TSPAN11: variants seen among roughly 807,000 people sequenced by gnomAD.
TSPAN11 encodes tetraspanin 11.
TSPAN11 carries 29 observed loss-of-function variants against 32.9 expected under a neutral mutation model. That is an observed-to-expected ratio of 0.88 (90% confidence interval 0.66 to 1.20). The LOEUF (loss-of-function observed/expected upper bound fraction) is 1.20, where lower values mean the gene tolerates loss of function less well. Ranked by LOEUF, TSPAN11 falls within the 50% of genes most tolerant of loss-of-function variation. The pLI is 0.00. For missense variants in TSPAN11, 283 were observed against 329.1 expected (o/e 0.86, Z 1.08); for synonymous variants, 140 against 141.3 (o/e 0.99, Z 0.07).
intron 3 of TSPAN11, among the ~76,000 whole-genome samples, chr12:30,967,931 C>T (rs1225029454): frequency 2.6e-5 from 4 of 152,000 alleles, no homozygotes; most frequent in Admixed American, 6.6e-5. Flanking sequence ...CGTGAAGCAT[C>T]GAGCACTTGA....
At chr12:31,010,033 C>G in the TSPAN11 span, among the ~76,000 whole-genome samples, 1 of 152,208 alleles carries the variant, frequency 6.6e-6, no homozygotes, top group African/African-American at 2.4e-5. Flanking sequence ...GCCCGCAGAG[C>G]TAGGAGCTGG....
the TSPAN11 span, among the ~76,000 whole-genome samples, chr12:31,005,272 C>T: frequency 2.0e-5 from 3 of 152,208 alleles, no homozygotes; most frequent in Non-Finnish European, 4.4e-5. Flanking sequence ...TAAGAAGTTA[C>T]ACTGTAAGGT....
chr12:30,939,320 G>A (rs1938112327), intron 1 of TSPAN11, among the ~76,000 whole-genome samples: 1 of 152,078 alleles, frequency 6.6e-6, no homozygotes, highest in African/African-American at 2.4e-5. Flanking sequence ...GCCAGTTGAG[G>A]GCCCGACCAC....
intron 1 of TSPAN11, among the ~76,000 whole-genome samples, chr12:30,945,025 G>A (rs892158644): frequency 1.3e-5 from 2 of 152,182 alleles, no homozygotes; most frequent in African/African-American, 2.4e-5. Flanking sequence ...TGACTTCCCA[G>A]TGCTTCCTGT....
the TSPAN11 span, among the ~76,000 whole-genome samples, chr12:31,011,287 A>G: frequency 3.6e-3 from 553 of 152,308 alleles, 5 homozygotes; most frequent in African/African-American, 0.013. Context: ...CCAGCTACTC[A>G]GGAGGCTGTC....
rs746213933 is a variant in TSPAN11 at position 30,991,883 on chromosome 12, T to C, written c.730T>C (p.Leu244=). ...QICGMVLTCC[L]HQRLQRHFY is the part of the protein sequence containing the mutation. Reference sequence around the variant, plus strand: ...CTGCGGGATGGTTCTCACCTGCTGCTTGCACCAGAGGCTCCAGCGGCATTT... The same window carrying C: ...CTGCGGGATGGTTCTCACCTGCTGCCTGCACCAGAGGCTCCAGCGGCATTT... Residue 244 remains leucine (L), a synonymous_variant, in exon 8 of 8, where the codon TTG becomes CTG. Coordinates refer to ENST00000546076, the MANE Select transcript of TSPAN11 (RefSeq NM_001370302.1). 3 of 1,614,160 alleles carry C rather than the reference T, an allele frequency of 1.9e-6. No homozygotes were observed. Among genetic ancestry groups the C allele is most frequent in the Non-Finnish European group, 2.5e-6 (3 of 1,180,024 alleles).
intron 1 of TSPAN11, among the ~76,000 whole-genome samples, chr12:30,947,575 G>A (rs1369774953): frequency 6.6e-6 from 1 of 152,108 alleles, no homozygotes; most frequent in African/African-American, 2.4e-5. Context: ...TGAGAGAGAA[G>A]CAAGAACAGA....
In TSPAN11 at chr12:30,932,375, C is replaced by T. The variant is rs530210623; in HGVS notation, c.-12+5579C>T. The stretch of plus-strand genomic sequence containing the variant: ...TAACGTGTGTAGAATCACCAAACTA[C>T]ACAATTCCGATTTCATAGTGCATAT... On this transcript the variant is annotated intron_variant, in intron 1 of 7. Coordinates refer to ENST00000546076, the MANE Select transcript of TSPAN11 (RefSeq NM_001370302.1). Among the ~76,000 whole-genome samples, 35 of 152,306 alleles carry T rather than the reference C, an allele frequency of 2.3e-4. No individual in the cohort carries two copies. The South Asian group carries it at 7.2e-3, about 32-fold the overall frequency.
chr12:30,941,935 C>G (rs1938174236), intron 1 of TSPAN11, among the ~76,000 whole-genome samples: 1 of 152,230 alleles, frequency 6.6e-6, no homozygotes, highest in Non-Finnish European at 1.5e-5. Context: ...TTTTAAATGA[C>G]TTTCCTGTCT....
intron 7 of TSPAN11, among the ~76,000 whole-genome samples, chr12:30,985,134 G>A (rs1939175914): frequency 6.6e-6 from 1 of 152,088 alleles, no homozygotes; most frequent in African/African-American, 2.4e-5. Flanking sequence ...CACACTGGGA[G>A]GAGGGTCCGT....
intron 2 of TSPAN11, among the ~76,000 whole-genome samples, chr12:30,957,861 TTCCC>T (rs1555197280): frequency 9.8e-5 from 3 of 30,520 alleles, no homozygotes; most frequent in African/African-American, 1.5e-4. Context: ...CCTTCCTTCC[TTCCC>T]TCCCTCCCTC....
Position 30,982,658 on chromosome 12 carries a change from C to G in TSPAN11, c.583C>G (p.Arg195Gly). 6.3e-7 allele frequency: 1 copy of G among 1,600,000 alleles called. No individual in the cohort carries two copies. The highest frequency in any genetic ancestry group is 8.5e-7 in the Non-Finnish European group (1 of 1,173,294). ...GACAGTGGTGGTGCGCTGCGGCCAGCGGGCCCACCCCTCCAACATCTATAA... is the reference window on the plus strand; with the variant it reads ...GACAGTGGTGGTGCGCTGCGGCCAGGGGGCCCACCCCTCCAACATCTATAA... ...CKTVVVRCGQ[R>G]AHPSNIYKVE... is the part of the protein sequence containing the mutation. The change falls in exon 6 of 8, where the codon CGG (arginine) becomes GGG (glycine). Residue 195 changes from arginine (R) to glycine (G), a missense_variant. Arg to Gly is a moderately radical substitution (Grantham distance 125). Coordinates refer to ENST00000546076, the MANE Select transcript of TSPAN11 (RefSeq NM_001370302.1).
the TSPAN11 span, among the ~76,000 whole-genome samples, chr12:31,004,720 C>A: frequency 6.6e-6 from 1 of 152,180 alleles, no homozygotes; most frequent in African/African-American, 2.4e-5. Context: ...CTCGAGAAGG[C>A]CCGCATGTGG....
At chr12:31,006,760 C>T in the TSPAN11 span, among the ~76,000 whole-genome samples, 124 of 152,226 alleles carry the variant, frequency 8.1e-4, no homozygotes, top group Non-Finnish European at 1.5e-3. Context: ...ATAGTGAGCC[C>T]GCACTTCAGA....
At chr12:30,972,041 G>A (rs190121822) in intron 3 of TSPAN11, among the ~76,000 whole-genome samples, 2 of 152,358 alleles carry the variant, frequency 1.3e-5, no homozygotes, top group East Asian at 3.9e-4. Flanking sequence ...CACTGCTCCA[G>A]CTTGGCATAT....
chr12:30,970,112 G>C (rs898989600), intron 3 of TSPAN11, among the ~76,000 whole-genome samples: 1 of 152,212 alleles, frequency 6.6e-6, no homozygotes, highest in African/African-American at 2.4e-5. Context: ...CAGCCAATGG[G>C]AAAGTCTGGG....
chr12:30,933,561 G>A (rs1022463268), intron 1 of TSPAN11, among the ~76,000 whole-genome samples: 2 of 152,112 alleles, frequency 1.3e-5, no homozygotes, highest in Non-Finnish European at 2.9e-5. Flanking sequence ...GATGGTGCAG[G>A]AGCCGCTCCA....
chr12:30,973,747 G>A (rs1184103274), intron 3 of TSPAN11, among the ~76,000 whole-genome samples: 1 of 152,112 alleles, frequency 6.6e-6, no homozygotes, highest in Non-Finnish European at 1.5e-5. Flanking sequence ...TGGAAATATG[G>A]GCTGAGAATT....
chr12:30,988,254 C>T (rs1164495463), intron 7 of TSPAN11, among the ~76,000 whole-genome samples: 1 of 152,232 alleles, frequency 6.6e-6, no homozygotes, highest in Non-Finnish European at 1.5e-5. Flanking sequence ...ACTACCTGGA[C>T]CAGAGCCACC....
Sources: allele counts gnomAD v4.1 joint callset (sites outside exome capture counted in the v4.1 genomes callset), GRCh38; gene constraint gnomAD v4.1.1; transcripts MANE v1.5; gene names NCBI Gene and HGNC (gene_info 2026-07-23, HGNC 2026-07-21).